Variants in MDFI observed in about 807,000 individuals in gnomAD.
The protein encoded by MDFI is inhibitor of MyoD family a.
MDFI carries 16 observed loss-of-function variants against 22.3 expected under a neutral mutation model. The ratio of observed to expected loss-of-function variants is 0.72; its 90% confidence interval spans 0.49 to 1.09. The LOEUF is 1.09. Ranked by LOEUF, MDFI falls within the 50% of genes least tolerant of loss-of-function variation. MDFI has a pLI of 0.00. For missense variants in MDFI, 314 were observed against 326.1 expected (o/e 0.96, Z 0.29); for synonymous variants, 145 against 142.7 (o/e 1.02, Z -0.12).
At chr6:41,644,930 A>C (rs1581833568) in intron 2 of MDFI, among the ~76,000 whole-genome samples, 3 of 133,624 alleles carry the variant, frequency 2.2e-5, no homozygotes, top group African/African-American at 5.7e-5. Flanking sequence ...CCTCTGTGTC[A>C]CTCTGCCTCT....
chr6:41,640,471 CCTGGG>C (rs1328883809), intron 2 of MDFI, among the ~76,000 whole-genome samples: 1 of 152,180 alleles, frequency 6.6e-6, no homozygotes, highest in Non-Finnish European at 1.5e-5. Flanking sequence ...CCCTCCCCAG[CCTGGG>C]CTGGGCCAGA....
chr6:41,644,175 CTCTG>C (rs746373404), intron 2 of MDFI, among the ~76,000 whole-genome samples: 4 of 152,196 alleles, frequency 2.6e-5, no homozygotes, highest in Non-Finnish European at 4.4e-5. Context: ...TGTCCAAATC[CTCTG>C]ATCGTCCAAA....
intron 2 of MDFI, among the ~76,000 whole-genome samples, chr6:41,640,500 A>G (rs1233536336): frequency 6.6e-6 from 1 of 152,164 alleles, no homozygotes; most frequent in Non-Finnish European, 1.5e-5. Flanking sequence ...TGCGGCTTTC[A>G]TAACTCAAGG....
intron 4 of MDFI, among the ~76,000 whole-genome samples, chr6:41,650,878 C>T (rs563579714): frequency 7.1e-4 from 108 of 152,172 alleles, no homozygotes; most frequent in Middle Eastern, 6.8e-3. Context: ...CCAGTCCCAA[C>T]AGTCTTATTT....
At chr6:41,637,453 G>A (rs865803297), upstream of MDFI, among the ~76,000 whole-genome samples, 28 of 151,988 alleles carry the variant, frequency 1.8e-4, no homozygotes, top group African/African-American at 6.7e-4. This position sits in a 1 kb window ranked among gnomAD's most constrained non-coding sequence, Gnocchi z 6.8. Context: ...GCCCAGACGC[G>A]GCTCCTAGGC....
chr6:41,642,245 G>T (rs2127427809), intron 2 of MDFI, among the ~76,000 whole-genome samples: 1 of 152,262 alleles, frequency 6.6e-6, no homozygotes, highest in African/African-American at 2.4e-5. Flanking sequence ...CCTACTAGGA[G>T]GGCAAGGACT....
chr6:41,650,825 C>T lies in MDFI; in HGVS notation c.484+982C>T, dbSNP rs1337018186. Among the ~76,000 whole-genome samples the T allele has an allele frequency of 8.5e-5, 13 of 152,148 alleles. No individual in the cohort carries two copies. In the East Asian group the frequency reaches 2.0e-3, roughly 23 times the overall value. On this transcript the variant is annotated intron_variant, in intron 4 of 4. Coordinates refer to ENST00000230321, the MANE Select transcript of MDFI (RefSeq NM_005586.4). ...CTGACCTCAGGTGATCCACCCGCCTCGGCCTCCCAAAGTTCTGGGATTACC... is the reference window on the plus strand; with the variant it reads ...CTGACCTCAGGTGATCCACCCGCCTTGGCCTCCCAAAGTTCTGGGATTACC...
At chr6:41,651,947 A>T (rs754845853) in intron 4 of MDFI, among the ~76,000 whole-genome samples, 6 of 152,222 alleles carry the variant, frequency 3.9e-5, no homozygotes, top group Non-Finnish European at 7.3e-5. Context: ...AGGGACTTGT[A>T]ATCTTTCATT....
chr6:41,643,593 G>C (rs1451074510), intron 2 of MDFI, among the ~76,000 whole-genome samples: 1 of 137,576 alleles, frequency 7.3e-6, no homozygotes, highest in South Asian at 2.7e-4. Flanking sequence ...AGGGAGGGAG[G>C]GAGGGAGGGA....
chr6:41,652,243 A>G (rs1768297047), intron 4 of MDFI, among the ~76,000 whole-genome samples: 1 of 152,232 alleles, frequency 6.6e-6, no homozygotes, highest in African/African-American at 2.4e-5. Context: ...AGGCAGAGGA[A>G]TCAGCGCCTG....
intron 2 of MDFI, among the ~76,000 whole-genome samples, chr6:41,641,454 T>C (rs982061793): frequency 7.2e-5 from 11 of 152,170 alleles, no homozygotes; most frequent in African/African-American, 2.7e-4. Context: ...AGGAATAATA[T>C]AAGCATGGGT....
chr6:41,653,896 A>G lies in MDFI; in HGVS notation c.*321A>G. ...GGGGTGGGGACCGCAGGGGGCAGCCAGGGCTGGGGAACACTGTGAAAGTTA... is the reference window on the plus strand; with the variant it reads ...GGGGTGGGGACCGCAGGGGGCAGCCGGGGCTGGGGAACACTGTGAAAGTTA... On this transcript the variant is annotated 3_prime_UTR_variant, in exon 5 of 5. Transcript: ENST00000230321. This position sits in a 1 kb window ranked among gnomAD's most constrained non-coding sequence, Gnocchi z 4.2. 2 of 353,808 alleles carry G rather than the reference A, an allele frequency of 5.7e-6. No homozygotes were observed. The highest frequency in any genetic ancestry group is 5.7e-5 in the East Asian group (1 of 17,590). 21.9% of individuals were successfully genotyped at this position (353,808 alleles called of 1,614,324 possible).
chr6:41,643,203 T>G (rs1269899303), intron 2 of MDFI, among the ~76,000 whole-genome samples: 1 of 152,148 alleles, frequency 6.6e-6, no homozygotes, highest in Non-Finnish European at 1.5e-5. Context: ...TCGGGGGTCT[T>G]GATTCCTGCT....
chr6:41,645,784 ATCTC>A (rs1320961962), intron 2 of MDFI, among the ~76,000 whole-genome samples: 1 of 150,958 alleles, frequency 6.6e-6, no homozygotes, highest in East Asian at 2.0e-4. Flanking sequence ...GCCTGTCCCT[ATCTC>A]TCCGTTGCTG....
At chr6:41,646,437 C>A in intron 3 of MDFI, 129 bp downstream of exon 3, 1 of 766,350 alleles carries the variant, frequency 1.3e-6, no homozygotes, top group Non-Finnish European at 1.9e-6. Context: ...GCACAGGCAG[C>A]AGAAAGGGGA....
In MDFI at chr6:41,639,453, T is replaced by A. The variant is rs536692324; in HGVS notation, c.76+628T>A. On this transcript the variant is annotated intron_variant, in intron 2 of 4. Transcript: ENST00000230321. ...ATGCCCCGTCCCGCGCCTGGCGCCGTCTGTAACCTACCCGCGATTCCTGGG... is the reference window on the plus strand; with the variant it reads ...ATGCCCCGTCCCGCGCCTGGCGCCGACTGTAACCTACCCGCGATTCCTGGG... 179 of 985,310 alleles carry A rather than the reference T, an allele frequency of 1.8e-4. No homozygotes were observed. In the African/African-American group the frequency reaches 3.1e-3, roughly 17 times the overall value. 61.0% of individuals were successfully genotyped at this position (985,310 alleles called of 1,614,324 possible).
chr6:41,647,905 TGGTGGCGGGCGC>T (rs1192208997), intron 3 of MDFI, among the ~76,000 whole-genome samples: 1 of 151,454 alleles, frequency 6.6e-6, no homozygotes, highest in East Asian at 1.9e-4. Flanking sequence ...TAGCCGGGCG[TGGTGGCGGGCGC>T]ATGTAGTCCC....
intron 3 of MDFI, among the ~76,000 whole-genome samples, chr6:41,649,357 G>A (rs72863081): frequency 0.086 from 13,107 of 152,226 alleles, 657 homozygotes; most frequent in South Asian, 0.14. Flanking sequence ...CCAGGGCTCC[G>A]AGCCCCTGCC....
At chr6:41,648,493 C>G (rs906145601) in intron 3 of MDFI, among the ~76,000 whole-genome samples, 1 of 152,210 alleles carries the variant, frequency 6.6e-6, no homozygotes, top group African/African-American at 2.4e-5. Context: ...GGCACCGAGG[C>G]CACCCTCCCC....
Sources: allele counts gnomAD v4.1 joint callset (sites outside exome capture counted in the v4.1 genomes callset), GRCh38; gene constraint gnomAD v4.1.1; non-coding constraint Gnocchi (gnomAD v3.1); transcripts MANE v1.5; gene names NCBI Gene and HGNC (gene_info 2026-07-23, HGNC 2026-07-21).